The following FOXP1 variants were observed in gnomAD, a reference collection of about 807,000 sequenced individuals.
FOXP1 encodes the protein forkhead box protein P1.
Under a neutral mutation model 98.2 loss-of-function variants are expected in FOXP1, and 15 were observed. That is an observed-to-expected ratio of 0.15 (90% CI 0.10 to 0.24). The LOEUF (loss-of-function observed/expected upper bound fraction) is 0.24, where lower values mean the gene tolerates loss of function less well. FOXP1 is among the 10% of genes least tolerant of loss of function. FOXP1 has a pLI of 1.00. For synonymous variants in FOXP1, 371 were observed against 314.5 expected (o/e 1.18, Z -1.90); for missense variants, 633 against 848.5 (o/e 0.75, Z 3.15).
chr3:71,373,744 C>T (rs952392999), intron 3 of FOXP1, among the ~76,000 whole-genome samples: 18 of 152,116 alleles, frequency 1.2e-4, no homozygotes, highest in African/African-American at 1.9e-4. Flanking sequence ...AGTCCACATG[C>T]TTGTTGAGCC....
intron 4 of FOXP1, among the ~76,000 whole-genome samples, chr3:71,335,528 G>A (rs747581928): frequency 6.6e-6 from 1 of 152,096 alleles, no homozygotes; most frequent in Non-Finnish European, 1.5e-5. Context: ...TAATAAATAG[G>A]AGGTTAAATA....
chr3:71,369,118 G>A (rs2079113428), intron 3 of FOXP1, among the ~76,000 whole-genome samples: 3 of 151,776 alleles, frequency 2.0e-5, no homozygotes, highest in South Asian at 2.1e-4. Context: ...AGCTGGGCAC[G>A]GTGGCTCACG....
chr3:71,190,470 AC>A (rs2062896724), intron 6 of FOXP1, among the ~76,000 whole-genome samples: 1 of 125,150 alleles, frequency 8.0e-6, no homozygotes. Context: ...AAGAAAAACA[AC>A]AACAAAAAAA....
chr3:71,327,529 A>G (rs1465970395), intron 4 of FOXP1, among the ~76,000 whole-genome samples: 1 of 150,290 alleles, frequency 6.7e-6, no homozygotes, highest in Non-Finnish European at 1.5e-5. Context: ...CTGGGACTAC[A>G]GGCGCCTGCC....
chr3:71,383,695 AT>A (rs2080351701), intron 3 of FOXP1, among the ~76,000 whole-genome samples: 1 of 152,172 alleles, frequency 6.6e-6, no homozygotes, highest in Non-Finnish European at 1.5e-5. Context: ...TAGTCAGCTC[AT>A]CCTTGACACA....
intron 2 of FOXP1, among the ~76,000 whole-genome samples, chr3:71,555,017 TCA>T (rs2046029209): frequency 6.6e-6 from 1 of 152,312 alleles, no homozygotes; most frequent in South Asian, 2.1e-4. Flanking sequence ...GTAAACAAGC[TCA>T]GTTATTTTTA....
chr3:71,214,641 T>A (rs1462446624), intron 5 of FOXP1, among the ~76,000 whole-genome samples: 1 of 152,188 alleles, frequency 6.6e-6, no homozygotes, highest in Non-Finnish European at 1.5e-5. Flanking sequence ...CTTCTTCACC[T>A]GTAAACGGAG....
intron 3 of FOXP1, among the ~76,000 whole-genome samples, chr3:71,434,295 C>T (rs963000741): frequency 1.3e-5 from 2 of 151,804 alleles, no homozygotes; most frequent in African/African-American, 4.9e-5. Context: ...ACTTGTTCCC[C>T]CGCAGTCAGG....
intron 2 of FOXP1, among the ~76,000 whole-genome samples, chr3:71,548,724 C>G (rs143727325): frequency 6.6e-6 from 1 of 152,136 alleles, no homozygotes; most frequent in African/African-American, 2.4e-5. Context: ...TTATTCCTTC[C>G]TCTCTATTCC....
intron 3 of FOXP1, among the ~76,000 whole-genome samples, chr3:71,408,562 C>T (rs1274804509): frequency 6.6e-6 from 1 of 152,172 alleles, no homozygotes; most frequent in South Asian, 2.1e-4. Flanking sequence ...TGCAATGGTA[C>T]AGCCAAGCAA....
At chr3:71,551,385 C>T (rs879540493) in intron 2 of FOXP1, among the ~76,000 whole-genome samples, 1 of 152,190 alleles carries the variant, frequency 6.6e-6, no homozygotes, top group South Asian at 2.1e-4. Flanking sequence ...ATTACTCAAA[C>T]GCAAGGGTAA....
At chr3:71,140,951 G>GAA (rs1203035978) in intron 6 of FOXP1, among the ~76,000 whole-genome samples, 2 of 139,754 alleles carry the variant, frequency 1.4e-5, no homozygotes, top group Non-Finnish European at 1.6e-5. Flanking sequence ...TGGTCTCCAA[G>GAA]AAAAAAAAAA....
At chr3:71,514,803 A>C (rs902606492) in intron 2 of FOXP1, among the ~76,000 whole-genome samples, 1 of 152,228 alleles carries the variant, frequency 6.6e-6, no homozygotes, top group African/African-American at 2.4e-5. Context: ...CACTGGGCCC[A>C]GTCACAACCT....
chr3:71,105,099 T>C (rs2057314096), intron 7 of FOXP1, among the ~76,000 whole-genome samples: 1 of 152,230 alleles, frequency 6.6e-6, no homozygotes, highest in South Asian at 2.1e-4. Flanking sequence ...TCAACTCAGC[T>C]GTATATCACA....
At chr3:71,306,372 C>A (rs1000548235) in intron 4 of FOXP1, among the ~76,000 whole-genome samples, 1 of 152,036 alleles carries the variant, frequency 6.6e-6, no homozygotes, top group Non-Finnish European at 1.5e-5. Context: ...CCCTGGAGTT[C>A]TACTATGGGT....
intron 6 of FOXP1, among the ~76,000 whole-genome samples, chr3:71,171,094 C>T (rs912217226): frequency 7.3e-5 from 8 of 109,316 alleles, no homozygotes; most frequent in Admixed American, 3.2e-4. Context: ...CAAATACACA[C>T]TCACTTTTTT....
intron 3 of FOXP1, among the ~76,000 whole-genome samples, chr3:71,417,594 A>C (rs187792270): frequency 1.3e-5 from 2 of 152,266 alleles, no homozygotes; most frequent in East Asian, 3.9e-4. Context: ...GACAATCTCA[A>C]AGTATTACAT....
chr3:71,336,435 C>T (rs1336474932), intron 4 of FOXP1, among the ~76,000 whole-genome samples: 2 of 152,000 alleles, frequency 1.3e-5, no homozygotes, highest in Admixed American at 6.6e-5. Context: ...TTGCCCTCCA[C>T]CCCCCGATAG....
intron 5 of FOXP1, among the ~76,000 whole-genome samples, chr3:71,211,860 T>C (rs1425481135): frequency 6.6e-6 from 1 of 152,240 alleles, no homozygotes; most frequent in Non-Finnish European, 1.5e-5. Context: ...ATCTACCATA[T>C]TGTTATTTTA....
Sources: allele counts gnomAD v4.1 joint callset (sites outside exome capture counted in the v4.1 genomes callset), GRCh38; gene constraint gnomAD v4.1.1; transcripts MANE v1.5; gene names NCBI Gene and HGNC (gene_info 2026-07-23, HGNC 2026-07-21).